The following ASIP variants were observed in gnomAD, a reference collection of about 807,000 sequenced individuals.
The protein encoded by ASIP is agouti signaling protein, also known as agouti-signaling protein.
In ASIP, 11 loss-of-function variants were observed where a neutral mutation model predicts 10.3. That is an observed-to-expected ratio of 1.07 (90% CI 0.68 to 1.78). ASIP has a LOEUF of 1.78. ASIP is among the 40% of genes most tolerant of loss of function. ASIP has a pLI of 0.00. For missense variants in ASIP, 180 were observed against 169.2 expected (o/e 1.06, Z -0.35); for synonymous variants, 70 against 70.8 (o/e 0.99, Z 0.06).
chr20:34,262,028 A>T (rs2035702455), intron 2 of ASIP, among the ~76,000 whole-genome samples: 3 of 151,622 alleles, frequency 2.0e-5, no homozygotes, highest in African/African-American at 7.3e-5. Context: ...CAGGAAAATC[A>T]CTTGAACCCA....
intron 1 of ASIP, among the ~76,000 whole-genome samples, chr20:34,206,373 A>C (rs2034937018): frequency 6.6e-6 from 1 of 152,062 alleles, no homozygotes; most frequent in African/African-American, 2.4e-5. Context: ...CTTCTCAAAA[A>C]CACCATTCCA....
At chr20:34,194,465 T>C (rs1326804724), upstream of ASIP, 1 of 151,368 alleles carries the variant, frequency 6.6e-6, no homozygotes, top group East Asian at 1.9e-4. Flanking sequence ...CTTTCAAAAA[T>C]ATTTGCTTTG....
chr20:34,239,506 G>C (rs1207801980), upstream of ASIP, among the ~76,000 whole-genome samples: 1 of 152,096 alleles, frequency 6.6e-6, no homozygotes, highest in Non-Finnish European at 1.5e-5. Flanking sequence ...AGCCTTACTT[G>C]GTGGGTCATA....
intron 1 of ASIP, chr20:34,213,446 C>A: frequency 9.5e-7 from 1 of 1,049,494 alleles, no homozygotes; most frequent in South Asian, 1.6e-5. Context: ...GGAATTGAGT[C>A]ATAGGTAGAG....
intron 1 of ASIP, chr20:34,213,868 C>A (rs2034990419): frequency 6.4e-7 from 1 of 1,559,250 alleles, no homozygotes; most frequent in African/African-American, 1.4e-5. Context: ...CTGCTTGTTG[C>A]TGAAAGCTTT....
At chr20:34,266,598 G>A (rs1214776547) in intron 3 of ASIP, among the ~76,000 whole-genome samples, 5 of 151,146 alleles carry the variant, frequency 3.3e-5, no homozygotes, top group African/African-American at 7.3e-5. Context: ...ACTGGAACCC[G>A]GGAGATGAAG....
intron 1 of ASIP, chr20:34,215,776 T>C: frequency 6.5e-6 from 10 of 1,542,788 alleles, no homozygotes; most frequent in Non-Finnish European, 9.0e-6. Context: ...CTAGAGCTTC[T>C]GCACACACCT....
intron 1 of ASIP, among the ~76,000 whole-genome samples, chr20:34,212,902 T>C (rs1240627252): frequency 6.6e-6 from 1 of 152,250 alleles, no homozygotes; most frequent in Admixed American, 6.5e-5. Context: ...ATTCTTACTA[T>C]GATGGTTGCA....
At chr20:34,249,585 G>T (rs116958791) in intron 1 of ASIP, among the ~76,000 whole-genome samples, 1 of 152,134 alleles carries the variant, frequency 6.6e-6, no homozygotes, top group Admixed American at 6.5e-5. Flanking sequence ...AGGGCCAATG[G>T]CTTGGTTTAA....
intron 1 of ASIP, among the ~76,000 whole-genome samples, chr20:34,202,427 AT>A (rs1266373406): frequency 6.6e-6 from 1 of 152,238 alleles, no homozygotes; most frequent in East Asian, 1.9e-4. Flanking sequence ...TGAATTTTAA[AT>A]TTTATTTACT....
At chr20:34,224,449 A>G (rs1183078551) in intron 1 of ASIP, among the ~76,000 whole-genome samples, 1 of 151,646 alleles carries the variant, frequency 6.6e-6, no homozygotes, top group African/African-American at 2.4e-5. Context: ...AGACTGGCCC[A>G]AACAGGACTG....
chr20:34,225,633 T>G (rs1336952981), intron 1 of ASIP, among the ~76,000 whole-genome samples: 1 of 152,172 alleles, frequency 6.6e-6, no homozygotes, highest in Non-Finnish European at 1.5e-5. Context: ...GAAGTCTTGT[T>G]TCGTAATAAT....
At chr20:34,240,659 G>A (rs1319099022), upstream of ASIP, among the ~76,000 whole-genome samples, 1 of 152,106 alleles carries the variant, frequency 6.6e-6, no homozygotes, top group Non-Finnish European at 1.5e-5. Flanking sequence ...TAACTCACCC[G>A]GAATTTCTGA....
chr20:34,266,609 G>T (rs1043507380), intron 3 of ASIP, among the ~76,000 whole-genome samples: 1 of 148,692 alleles, frequency 6.7e-6, no homozygotes, highest in Non-Finnish European at 1.5e-5. Flanking sequence ...GGAGATGAAG[G>T]TTGCAGTGAG....
At chr20:34,203,593 C>T (rs1225192087) in intron 1 of ASIP, among the ~76,000 whole-genome samples, 4 of 151,656 alleles carry the variant, frequency 2.6e-5, no homozygotes, top group Non-Finnish European at 5.9e-5. Context: ...GACAGGGTTT[C>T]GCCACGTTGG....
At chr20:34,215,205 C>T (rs2122553532) in intron 1 of ASIP, 1 of 1,599,810 alleles carries the variant, frequency 6.3e-7, no homozygotes, top group Non-Finnish European at 8.6e-7. Flanking sequence ...GACCTAGCAG[C>T]ATATTTATAA....
Position 34,215,179 on chromosome 20 carries a change from A to G in ASIP, c.-11+20419A>G, listed in dbSNP as rs1237352501. 8 of 1,600,316 alleles carry G rather than the reference A, an allele frequency of 5.0e-6. No homozygotes were observed. The Admixed American group carries it at 1.0e-4, about 20-fold the overall frequency. ...ACAGTCACATGCTTCTTCCCGTAGA[A>G]CTTCTATTGACATATGACCTAGCAG... is the stretch of plus-strand genomic sequence containing the variant. On this transcript the variant is annotated intron_variant, in intron 1 of 3. Coordinates refer to the ASIP transcript ENST00000568305.
intron 1 of ASIP, among the ~76,000 whole-genome samples, chr20:34,245,656 TG>T (rs2035362281): frequency 6.6e-6 from 1 of 152,066 alleles, no homozygotes; most frequent in Non-Finnish European, 1.5e-5. Flanking sequence ...CCCAAAGTGC[TG>T]GGATTACAGG....
intron 1 of ASIP, among the ~76,000 whole-genome samples, chr20:34,235,794 AAAG>A (rs1354559011): frequency 4.0e-4 from 18 of 45,160 alleles, no homozygotes; most frequent in African/African-American, 3.8e-3. Context: ...AAGAAGAAAG[AAAG>A]AAAGAAAGAA....
Sources: allele counts gnomAD v4.1 joint callset (sites outside exome capture counted in the v4.1 genomes callset), GRCh38; gene constraint gnomAD v4.1.1; transcripts MANE v1.5; gene names NCBI Gene and HGNC (gene_info 2026-07-23, HGNC 2026-07-21).